MSH3: variants seen among roughly 807,000 people sequenced by gnomAD.
MSH3 encodes DNA mismatch repair protein Msh3.
A neutral mutation model predicts 123.3 loss-of-function variants in MSH3; 106 were observed. The ratio of observed to expected loss-of-function variants is 0.86; its 90% CI spans 0.73 to 1.01. MSH3 has a LOEUF of 1.01. MSH3 is among the 50% of genes least tolerant of loss of function. The pLI is 0.00. For missense variants in MSH3, 1,459 were observed against 1,347.6 expected (o/e 1.08, Z -1.29); for synonymous variants, 515 against 481.4 (o/e 1.07, Z -0.91).
chr5:80,727,377 T>G (rs1743321995), intron 9 of MSH3, among the ~76,000 whole-genome samples: 1 of 152,244 alleles, frequency 6.6e-6, no homozygotes, highest in Non-Finnish European at 1.5e-5. Context: ...ATAAGATATT[T>G]TACTGATTTG....
At chr5:80,676,495 A>G (rs1749841850) in intron 7 of MSH3, among the ~76,000 whole-genome samples, 1 of 152,196 alleles carries the variant, frequency 6.6e-6, no homozygotes, top group African/African-American at 2.4e-5. Flanking sequence ...GTCCAAGTGA[A>G]AACTAATTCT....
intron 3 of MSH3, among the ~76,000 whole-genome samples, chr5:80,669,502 G>A (rs1580549733): frequency 6.6e-6 from 1 of 152,218 alleles, no homozygotes; most frequent in African/African-American, 2.4e-5. Context: ...GGTAAGAATA[G>A]TAGGAGTACT....
At chr5:80,707,421 C>G (rs1750748469) in intron 8 of MSH3, among the ~76,000 whole-genome samples, 1 of 152,076 alleles carries the variant, frequency 6.6e-6, no homozygotes, top group African/African-American at 2.4e-5. Context: ...AGTATATGTT[C>G]ACTGTATAAG....
At chr5:80,756,027 T>TA (rs1366148638) in intron 12 of MSH3, among the ~76,000 whole-genome samples, 2 of 152,026 alleles carry the variant, frequency 1.3e-5, no homozygotes, top group South Asian at 2.1e-4. Flanking sequence ...ATCACCAAGT[T>TA]AAAAAAATAC....
chr5:80,708,877 C>T (rs890036819), intron 8 of MSH3, among the ~76,000 whole-genome samples: 7 of 152,000 alleles, frequency 4.6e-5, no homozygotes, highest in African/African-American at 1.7e-4. Flanking sequence ...TGGGTTCTAG[C>T]GATTTTCCTG....
intron 20 of MSH3, among the ~76,000 whole-genome samples, chr5:80,818,251 C>A (rs1405679647): frequency 2.0e-5 from 3 of 151,870 alleles, no homozygotes; most frequent in Non-Finnish European, 4.4e-5. Flanking sequence ...GTTCAGACCT[C>A]TAGATCTAGA....
intron 12 of MSH3, among the ~76,000 whole-genome samples, chr5:80,757,747 A>G (rs565411171): frequency 1.3e-5 from 2 of 152,242 alleles, no homozygotes; most frequent in Non-Finnish European, 2.9e-5. Flanking sequence ...TCCTGTTGCT[A>G]TCACTCCATC....
Position 80,787,592 on chromosome 5 carries a change from G to T in MSH3, c.2463G>T (p.Leu821Phe). 1 of 1,613,572 alleles carries T rather than the reference G, an allele frequency of 6.2e-7. No homozygotes were observed. Among genetic ancestry groups the T allele is most frequent in the East Asian group, 2.2e-5 (1 of 44,836 alleles). ...LEKFSEHYHS[L>F]CKAVHHLATV... Reference sequence around the variant, plus strand: ...AATTCAGTGAACATTATCACTCCTTGTGTAAAGCAGTGCATCACCTAGCAA... The same window carrying T: ...AATTCAGTGAACATTATCACTCCTTTTGTAAAGCAGTGCATCACCTAGCAA... The change falls in exon 18 of 24, where the codon TTG (leucine) becomes TTT (phenylalanine). Residue 821 changes from leucine (L) to phenylalanine (F), a missense_variant. Transcript: ENST00000265081.
intron 9 of MSH3, among the ~76,000 whole-genome samples, chr5:80,727,448 G>A (rs183774403): frequency 8.8e-4 from 134 of 152,256 alleles, no homozygotes; most frequent in African/African-American, 3.1e-3. Context: ...CTTATTGCAA[G>A]AAAGTCAAAC....
At chr5:80,726,222 A>T (rs556751130) in intron 9 of MSH3, among the ~76,000 whole-genome samples, 26 of 152,268 alleles carry the variant, frequency 1.7e-4, no homozygotes, top group African/African-American at 5.8e-4. Context: ...GTGGATGGTG[A>T]GGTGAATAGA....
intron 7 of MSH3, among the ~76,000 whole-genome samples, chr5:80,677,334 C>G (rs1749864225): frequency 6.6e-6 from 1 of 152,138 alleles, no homozygotes; most frequent in African/African-American, 2.4e-5. Flanking sequence ...TTAGGTTTCT[C>G]AGTGTGATAC....
Position 80,775,786 on chromosome 5 carries a change from C to G in MSH3, c.2318+28C>G, listed in dbSNP as rs751229334. On this transcript the variant is annotated intron_variant, in intron 16 of 23. Coordinates refer to ENST00000265081, the MANE Select transcript of MSH3 (RefSeq NM_002439.5). ...AGGTTTAAAATAAATTTTTTTCTTA[C>G]AATGCATTATGATGACATCTGTATA... 4 of 1,283,570 alleles carry G rather than the reference C, an allele frequency of 3.1e-6. No individual in the cohort carries two copies. The South Asian group carries it at 4.8e-5, about 15-fold the overall frequency. 79.5% of individuals were successfully genotyped at this position (1,283,570 alleles called of 1,614,324 possible). A position where few individuals can be genotyped will look rare whatever the true frequency, so the allele number is the denominator to read the frequency against.
At chr5:80,692,581 G>T (rs199693227) in intron 8 of MSH3, among the ~76,000 whole-genome samples, 135 of 81,480 alleles carry the variant, frequency 1.7e-3, no homozygotes, top group Non-Finnish European at 2.6e-3. Context: ...TTTATATAGA[G>T]AGATAAACAT....
intron 22 of MSH3, among the ~76,000 whole-genome samples, chr5:80,871,368 CTG>C (rs1450387824): frequency 6.6e-6 from 1 of 152,212 alleles, no homozygotes; most frequent in Non-Finnish European, 1.5e-5. Context: ...CTCATAATTT[CTG>C]TGAGTCAGGA....
intron 9 of MSH3, among the ~76,000 whole-genome samples, chr5:80,726,008 C>G (rs2112855919): frequency 6.6e-6 from 1 of 152,232 alleles, no homozygotes; most frequent in East Asian, 1.9e-4. Flanking sequence ...ATTTTATAGA[C>G]TGTTTGGATG....
chr5:80,753,465 A>G (rs1743872001), intron 12 of MSH3, among the ~76,000 whole-genome samples: 1 of 152,142 alleles, frequency 6.6e-6, no homozygotes. Flanking sequence ...TAATATAACC[A>G]TGAACAATTG....
chr5:80,788,096 T>C (rs1374397292), intron 18 of MSH3, among the ~76,000 whole-genome samples: 2 of 152,202 alleles, frequency 1.3e-5, no homozygotes, highest in Admixed American at 6.5e-5. Context: ...ACATGGAATA[T>C]TTATTCTCTT....
chr5:80,696,096 G>T (rs1324043145), intron 8 of MSH3, among the ~76,000 whole-genome samples: 1 of 152,186 alleles, frequency 6.6e-6, no homozygotes, highest in African/African-American at 2.4e-5. Context: ...AGGAGTTCCA[G>T]CTTCCCATGT....
chr5:80,793,427 A>G (rs1208772122), intron 19 of MSH3, among the ~76,000 whole-genome samples: 2 of 152,220 alleles, frequency 1.3e-5, no homozygotes, highest in Admixed American at 1.3e-4. Flanking sequence ...ATAGCAGAGA[A>G]GATAGGCTAG....
Sources: gnomAD v4.1 joint callset for allele counts (sites outside exome capture counted in the v4.1 genomes callset) on GRCh38, gnomAD v4.1.1 for gene constraint, MANE v1.5 for transcripts, NCBI Gene and HGNC (gene_info 2026-07-23, HGNC 2026-07-21) for gene names.